Variants in LSAMP observed in about 807,000 individuals in gnomAD.
LSAMP encodes limbic system-associated membrane protein.
LSAMP carries 7 observed loss-of-function variants against 38.6 expected under a neutral mutation model. That is an observed-to-expected ratio of 0.18 (90% CI 0.10 to 0.34). LSAMP has a LOEUF of 0.34. Among genes scored for constraint, LSAMP ranks in the 10% least tolerant of loss-of-function variants. The pLI, the probability that LSAMP is intolerant of heterozygous loss-of-function variation, is 1.00. For missense variants in LSAMP, 313 were observed against 420.0 expected, an observed-to-expected ratio of 0.75 and a Z score of 2.23; for synonymous variants, 154 against 166.8, an observed-to-expected ratio of 0.92 and a Z score of 0.59.
At chr3:116,314,380 A>G (rs1028268495) in intron 1 of LSAMP, among the ~76,000 whole-genome samples, 8 of 152,252 alleles carry the variant, frequency 5.3e-5, no homozygotes, top group African/African-American at 1.7e-4. Context: ...AAAGATTTCA[A>G]GAAACTCCTG....
intron 1 of LSAMP, among the ~76,000 whole-genome samples, chr3:116,121,885 ATT>A (rs57411929): frequency 0.012 from 1,693 of 136,728 alleles, 31 homozygotes; most frequent in African/African-American, 0.038. Context: ...TTTTTTTGTG[ATT>A]TTTTTTTTTT....
In LSAMP at chr3:116,009,127, A is replaced by T. The variant is rs192978776; in HGVS notation, c.514+10388T>A. Reference sequence around the variant, plus strand: ...AAAAATTGAAAATATAAAACATTGTAATAATATTCGGTGAGTACTACACAC... The same window carrying T: ...AAAAATTGAAAATATAAAACATTGTTATAATATTCGGTGAGTACTACACAC... On this transcript the variant is annotated intron_variant, in intron 3 of 6. Transcript: ENST00000490035. Among the ~76,000 whole-genome samples the T allele has an allele frequency of 3.8e-3, 581 of 152,318 alleles. 3 individuals carry two copies. Among genetic ancestry groups the T allele is most frequent in the African/African-American group, 0.013 (547 of 41,576 alleles).
chr3:115,950,797 GCAAAAAAAAA>G (rs1559893762), intron 3 of LSAMP, among the ~76,000 whole-genome samples: 1 of 10,864 alleles, frequency 9.2e-5, no homozygotes, highest in Non-Finnish European at 1.4e-4. Context: ...GCAAGACTTA[GCAAAAAAAAA>G]AAAAAAAAAA....
At chr3:116,394,528 C>A (rs1490682319) in intron 1 of LSAMP, among the ~76,000 whole-genome samples, 1 of 152,144 alleles carries the variant, frequency 6.6e-6, no homozygotes, top group African/African-American at 2.4e-5. Flanking sequence ...CAAGTCCTTT[C>A]GTGTAACAGA....
At chr3:115,965,526 A>C (rs1383501132) in intron 3 of LSAMP, among the ~76,000 whole-genome samples, 1 of 151,896 alleles carries the variant, frequency 6.6e-6, no homozygotes, top group Non-Finnish European at 1.5e-5. Flanking sequence ...CAAGTAAATT[A>C]AGCAAAATAT....
intron 2 of LSAMP, among the ~76,000 whole-genome samples, chr3:116,073,121 A>G (rs1007788625): frequency 7.2e-5 from 11 of 152,330 alleles, no homozygotes; most frequent in African/African-American, 2.6e-4. Flanking sequence ...AATTTTCTGC[A>G]TATGGCTAAC....
intron 1 of LSAMP, among the ~76,000 whole-genome samples, chr3:116,191,958 C>T (rs540640899): frequency 6.6e-6 from 1 of 152,102 alleles, no homozygotes; most frequent in East Asian, 1.9e-4. Context: ...TAGCCACAGG[C>T]CTTAGCTTCT....
At chr3:116,045,099 A>G (rs1006986482) in intron 2 of LSAMP, among the ~76,000 whole-genome samples, 3 of 152,202 alleles carry the variant, frequency 2.0e-5, no homozygotes, top group Non-Finnish European at 2.9e-5. Flanking sequence ...ATACATAAAT[A>G]AGCAGTAGGG....
At chr3:116,211,775 T>G (rs1034152118) in intron 1 of LSAMP, among the ~76,000 whole-genome samples, 2 of 152,244 alleles carry the variant, frequency 1.3e-5, no homozygotes, top group African/African-American at 4.8e-5. Context: ...AAAGTAATTT[T>G]GGGCCAGAAT....
intron 1 of LSAMP, among the ~76,000 whole-genome samples, chr3:116,161,567 T>C (rs1709887788): frequency 6.6e-6 from 1 of 152,122 alleles, no homozygotes; most frequent in South Asian, 2.1e-4. Flanking sequence ...GGACTAAGTG[T>C]TAGAAATGGC....
chr3:116,011,883 G>A (rs74597253), intron 3 of LSAMP, among the ~76,000 whole-genome samples: 1 of 152,076 alleles, frequency 6.6e-6, no homozygotes, highest in Non-Finnish European at 1.5e-5. Flanking sequence ...ACAACCCTGG[G>A]TACATATCTT....
At chr3:116,423,096 T>C (rs1003450980) in intron 1 of LSAMP, among the ~76,000 whole-genome samples, 8 of 152,200 alleles carry the variant, frequency 5.3e-5, no homozygotes, top group African/African-American at 1.7e-4. Context: ...ATGTCAAAGG[T>C]ATAAACAAAC....
chr3:115,869,797 C>T (rs6438281), intron 3 of LSAMP, among the ~76,000 whole-genome samples: 28,849 of 151,858 alleles, frequency 0.19, 3,546 homozygotes, highest in African/African-American at 0.33. Flanking sequence ...ACGTCTTTTC[C>T]GAACAAAAAT....
intron 1 of LSAMP, among the ~76,000 whole-genome samples, chr3:116,182,896 C>T (rs1710520259): frequency 6.6e-6 from 1 of 151,778 alleles, no homozygotes; most frequent in African/African-American, 2.4e-5. Context: ...TTTGCCATCA[C>T]AATGACTATT....
At chr3:116,168,526 C>A (rs1318827411) in intron 1 of LSAMP, among the ~76,000 whole-genome samples, 1 of 152,150 alleles carries the variant, frequency 6.6e-6, no homozygotes, top group African/African-American at 2.4e-5. Flanking sequence ...CTAAGAATGT[C>A]CCCCAAAAGT....
intron 1 of LSAMP, among the ~76,000 whole-genome samples, chr3:116,158,253 G>C (rs549677673): frequency 6.6e-6 from 1 of 152,068 alleles, no homozygotes; most frequent in Non-Finnish European, 1.5e-5. Context: ...ACATTACACT[G>C]AATGGGCAAA....
chr3:116,091,979 A>G (rs1576357463), intron 1 of LSAMP, among the ~76,000 whole-genome samples: 1 of 152,052 alleles, frequency 6.6e-6, no homozygotes, highest in Non-Finnish European at 1.5e-5. Flanking sequence ...ACCTTATCAT[A>G]CTCCACATTG....
chr3:115,907,734 TA>T (rs1406479064), intron 3 of LSAMP, among the ~76,000 whole-genome samples: 39 of 152,278 alleles, frequency 2.6e-4, no homozygotes, highest in African/African-American at 8.7e-4. Flanking sequence ...AACTCAAAAA[TA>T]AAAAGTTTTC....
chr3:116,012,562 T>A (rs1559919768), intron 3 of LSAMP, among the ~76,000 whole-genome samples: 1 of 152,204 alleles, frequency 6.6e-6, no homozygotes, highest in Non-Finnish European at 1.5e-5. Context: ...CAAGAGACTG[T>A]CGTTGTCATG....
Sources: allele counts gnomAD v4.1 joint callset (sites outside exome capture counted in the v4.1 genomes callset), GRCh38; gene constraint gnomAD v4.1.1; transcripts MANE v1.5; gene names NCBI Gene and HGNC (gene_info 2026-07-23, HGNC 2026-07-21).